Variants in CLCN1 observed in about 807,000 individuals in gnomAD.
CLCN1 encodes chloride voltage-gated channel 1.
In CLCN1, 100 loss-of-function variants were observed where a neutral mutation model predicts 114.5. That is an observed-to-expected ratio of 0.87 (90% confidence interval 0.74 to 1.03). The LOEUF (loss-of-function observed/expected upper bound fraction) is 1.03, where lower values mean the gene tolerates loss of function less well. Ranked by LOEUF, CLCN1 falls within the 50% of genes least tolerant of loss-of-function variation. CLCN1 has a pLI of 0.00. For synonymous variants in CLCN1, 485 were observed against 487.1 expected (o/e 1.00, Z 0.06); for missense variants, 1,188 against 1,250.0 (o/e 0.95, Z 0.75).
At chr7:143,332,344 C>A in intron 10 of CLCN1, 75 bp from the exon 11 acceptor site, 2 of 1,093,780 alleles carry the variant, frequency 1.8e-6, no homozygotes, top group Non-Finnish European at 1.4e-6. Flanking sequence ...AAGGAAACTT[C>A]AGCTTGCCAT....
chr7:143,342,421 GT>G lies in CLCN1; in HGVS notation c.1849del (p.Ser617GlnfsTer30), dbSNP rs1803105951. On this transcript the variant is annotated frameshift_variant, in exon 16 of 23. Transcript: ENST00000343257. LOFTEE classifies it high-confidence loss of function. The stretch of plus-strand genomic sequence containing the variant: ...CATCATGGTACGTGATGTGAAGTTT[GT>G]TTCAGCTTCTTACACATATGGGGAG... ...EDIMVRDVKF[V>X]SASYTYGELR... The G allele has an allele frequency of 6.2e-7, 1 of 1,614,010 alleles. No homozygotes were observed. The highest frequency in any genetic ancestry group is 8.5e-7 in the Non-Finnish European group (1 of 1,180,028).
rs1407115613 is a variant in CLCN1 at position 143,345,587 on chromosome 7, G to C, written c.1997G>C (p.Cys666Ser). The C allele has an allele frequency of 6.4e-7, 1 of 1,551,554 alleles. No homozygotes were observed. Among genetic ancestry groups the C allele is most frequent in the South Asian group, 1.2e-5 (1 of 84,084 alleles). Residue 666 changes from cysteine (C) to serine (S), a missense_variant, in exon 17 of 23, where the codon TGT becomes TCT. Physicochemically the swap from Cys to Ser is moderately radical, Grantham distance 112 (BLOSUM62 -1). Transcript: ENST00000343257. The part of the protein sequence containing the change: ...ELQALLQRHL[C>S]PERRLRAAQE... ...CAGGCCCTCCTGCAGCGCCACCTGT[G>C]TCCTGAGCGCAGGCTGCGCGCAGCC...
intron 5 of CLCN1, among the ~76,000 whole-genome samples, chr7:143,322,815 C>A (rs1802477176): frequency 6.6e-6 from 1 of 152,254 alleles, no homozygotes; most frequent in African/African-American, 2.4e-5. Context: ...GCCACCGCGC[C>A]CGGCCTTATC....
chr7:143,339,438 A>C lies in CLCN1; in HGVS notation c.1472-73A>C. ...ATATTTGTTCTTAATGCCCAAGGAG[A>C]GATTGGTTCTGAAAACTGAGAGCAA... is the stretch of plus-strand genomic sequence containing the variant. On this transcript the variant is annotated intron_variant, in intron 13 of 22. Coordinates refer to ENST00000343257, the MANE Select transcript of CLCN1 (RefSeq NM_000083.3). The surrounding 1 kb of genome is among the most constrained non-coding windows in gnomAD (Gnocchi z 4.1). The C allele has an allele frequency of 1.4e-6, 2 of 1,385,106 alleles. No homozygotes were observed. The highest frequency in any genetic ancestry group is 3.4e-5 in the Admixed American group (2 of 59,654). The allele number at this position is 1,385,106 out of a possible 1,614,324, so 85.8% of individuals were successfully genotyped here. A position where few individuals can be genotyped will look rare whatever the true frequency, so the allele number is the denominator to read the frequency against.
chr7:143,333,845 A>G (rs1802798292), intron 12 of CLCN1, among the ~76,000 whole-genome samples: 1 of 152,196 alleles, frequency 6.6e-6, no homozygotes, highest in African/African-American at 2.4e-5. Context: ...AGGATTATGT[A>G]TTTATAGACT....
rs190130268 is a variant in CLCN1, at chr7:143,318,617, G to A, written c.181-1138G>A. 1.8e-3 allele frequency among the ~76,000 whole-genome samples: 280 copies of A among 152,278 alleles called. 1 individual carries two copies. The highest frequency in any genetic ancestry group is 6.5e-3 in the African/African-American group (272 of 41,546). ...CCTTGCCCTCCCCTCACCCTGCCCT[G>A]CATGGGACCAGCCAGAACAGATCTG... On this transcript the variant is annotated intron_variant, in intron 1 of 22. Transcript: ENST00000343257.
At chr7:143,318,173 C>T (rs2033855969) in intron 1 of CLCN1, among the ~76,000 whole-genome samples, 1 of 152,086 alleles carries the variant, frequency 6.6e-6, no homozygotes, top group Non-Finnish European at 1.5e-5. Flanking sequence ...TTCCCTTCCC[C>T]ACCCTCACCA....
At position 143,332,783 on chromosome 7, in the gene CLCN1, G is replaced by A. The variant is rs766616816; in HGVS notation, c.1311G>A (p.Ala437=). 1.7e-5 allele frequency: 27 copies of A among 1,613,952 alleles called. No homozygotes were observed. The highest frequency in any genetic ancestry group is 1.3e-4 in the Admixed American group (8 of 59,990). Reference sequence around the variant, plus strand: ...ACAACAATACATGGGTGAAACACGCGGGTGATCCTGAGAGCCTGGGCCAGT... The same window carrying A: ...ACAACAATACATGGGTGAAACACGCAGGTGATCCTGAGAGCCTGGGCCAGT... The part of the protein sequence containing the change: ...LFDNNTWVKH[A]GDPESLGQSA... The change falls in exon 12 of 23, where the codon GCG becomes GCA. Residue 437 remains alanine, a synonymous_variant. Coordinates refer to ENST00000343257, the MANE Select transcript of CLCN1 (RefSeq NM_000083.3).
chr7:143,321,773 C>T lies in CLCN1; in HGVS notation c.621C>T (p.Leu207=). Residue 207 remains leucine, a synonymous_variant, in exon 5 of 23, where the codon CTC becomes CTT. Transcript: ENST00000343257. The surrounding 1 kb of genome is among the most constrained non-coding windows in gnomAD (Gnocchi z 4.2). ...GTGGGGTTGTCCTGAAGGAATACCT[C>T]ACAATGAAAGCCTTTGTGGCCAAGG... The part of the protein sequence containing the change: ...ILRGVVLKEY[L]TMKAFVAKVV... The T allele has an allele frequency of 6.2e-7, 1 of 1,614,224 alleles. No homozygotes were observed. The highest frequency in any genetic ancestry group is 8.5e-7 in the Non-Finnish European group (1 of 1,180,018).
rs185716241 is a variant in CLCN1 at position 143,327,798 on chromosome 7, C to T, written c.854-2974C>T. On this transcript the variant is annotated intron_variant, in intron 7 of 22. Transcript: ENST00000343257. ...GCCTCCCAGCAGCTGGGACTACATG[C>T]GCACGCCACTATGCCTGGCTAATTT... Among the ~76,000 whole-genome samples, 12 of 152,174 alleles carry T rather than the reference C, an allele frequency of 7.9e-5. No homozygotes were observed. In the East Asian group the frequency reaches 1.2e-3, roughly 15 times the overall value.
intron 12 of CLCN1, among the ~76,000 whole-genome samples, chr7:143,337,997 ATTTTTTATTTTTTAT>A (rs1802958000): frequency 6.7e-6 from 1 of 150,038 alleles, no homozygotes; most frequent in African/African-American, 2.4e-5. Flanking sequence ...TGGCTAATTT[ATTTTTTATTTTTTAT>A]TTTTTTATTT....
At position 143,335,656 on chromosome 7, in the gene CLCN1, G is replaced by GTTTTTTTTTTTTTTTT. The variant is rs199928109; in HGVS notation, c.1401+2787_1401+2788insTTTTTTTTTTTTTTTT. Among the ~76,000 whole-genome samples the GTTTTTTTTTTTTTTTT allele has an allele frequency of 2.8e-5, 3 of 107,236 alleles. 1 individual carries two copies. Among genetic ancestry groups the GTTTTTTTTTTTTTTTT allele is most frequent in the Non-Finnish European group, 1.9e-5 (1 of 53,260 alleles). 70.4% of individuals were successfully genotyped at this position (107,236 alleles called of 152,430 possible). On this transcript the variant is annotated intron_variant, in intron 12 of 22. Transcript: ENST00000343257. ...GGCAGGTAAGATTCTCAATTCAGCTGTTTTGTTTTTTTTTTTTTTTTGATT... is the reference window on the plus strand; with the variant it reads ...GGCAGGTAAGATTCTCAATTCAGCTGTTTTTTTTTTTTTTTTTTTTGTTTTTTTTTTTTTTTTGATT...
intron 10 of CLCN1, 142 bp from the exon 11 acceptor site, chr7:143,332,276 TG>T (rs113731371): frequency 1.0e-5 from 8 of 784,994 alleles, no homozygotes; most frequent in Non-Finnish European, 1.6e-5. Flanking sequence ...CCTCAAATAT[TG>T]GTTTTTTGTG....
In CLCN1 at chr7:143,330,817, G is replaced by A. The variant is rs118066140; in HGVS notation, c.899G>A (p.Arg300Gln). The stretch of plus-strand genomic sequence containing the variant: ...GTCACCTCCACCTACTTTGCTGTTC[G>A]GAACTACTGGAGAGGATTCTTTGCA... ...IEVTSTYFAVRNYWRGFFAAT... is the reference protein window; with the variant it reads ...IEVTSTYFAVQNYWRGFFAAT... The change falls in exon 8 of 23, where the codon CGG becomes CAG. Residue 300 changes from arginine to glutamine, a missense_variant. By Grantham distance (43) the Arg-to-Gln change is conservative (BLOSUM62 1). Coordinates refer to ENST00000343257, the MANE Select transcript of CLCN1 (RefSeq NM_000083.3). The A allele has an allele frequency of 7.1e-3, 11,426 of 1,614,162 alleles. 46 individuals are homozygous for A. The highest frequency in any genetic ancestry group is 8.7e-3 in the Non-Finnish European group (10,224 of 1,180,040).
chr7:143,330,259 A>G (rs559046789), intron 7 of CLCN1, among the ~76,000 whole-genome samples: 17 of 152,192 alleles, frequency 1.1e-4, no homozygotes, highest in South Asian at 2.1e-4. Context: ...TGTCTTCCTT[A>G]TAAGGTTGCC....
At chr7:143,337,519 T>C (rs1802938109) in intron 12 of CLCN1, among the ~76,000 whole-genome samples, 1 of 152,144 alleles carries the variant, frequency 6.6e-6, no homozygotes, top group African/African-American at 2.4e-5. Context: ...AGTTCTTTCT[T>C]TCTACGGTTC....
chr7:143,318,286 G>A (rs974811210), intron 1 of CLCN1, among the ~76,000 whole-genome samples: 12 of 151,994 alleles, frequency 7.9e-5, no homozygotes, highest in African/African-American at 2.4e-4. Flanking sequence ...GCAATGGCGC[G>A]ATCTCAGCTC....
rs1802423930 is a variant in CLCN1, at chr7:143,321,289, C to T, written c.434-76C>T. 2 of 1,564,322 alleles carry T rather than the reference C, an allele frequency of 1.3e-6. No individual in the cohort carries two copies. The highest frequency in any genetic ancestry group is 1.4e-5 in the African/African-American group (1 of 73,910). On this transcript the variant is annotated intron_variant, in intron 3 of 22. Transcript: ENST00000343257. This position sits in a 1 kb window ranked among gnomAD's most constrained non-coding sequence, Gnocchi z 4.2. ...AGAAGGAGCACGGCCTGAGAACATG[C>T]CGGGTACACGTCCTGGTGCCGTGGA...
In CLCN1 at chr7:143,324,401, T is replaced by C; in HGVS notation, c.775-13T>C. 6.2e-7 allele frequency: 1 copy of C among 1,606,778 alleles called. No homozygotes were observed. ...TCTTCCACCTGTTTCTCTGTCTGTC[T>C]CTCCCCTAGTAGCAGCCATACTACT... On this transcript the variant is annotated splice_polypyrimidine_tract_variant and intron_variant, in intron 6 of 22. Transcript: ENST00000343257. The surrounding 1 kb of genome is among the most constrained non-coding windows in gnomAD (Gnocchi z 4.6).
Sources: allele counts gnomAD v4.1 joint callset (sites outside exome capture counted in the v4.1 genomes callset), GRCh38; gene constraint gnomAD v4.1.1; non-coding constraint Gnocchi (gnomAD v3.1); transcripts MANE v1.5; gene names NCBI Gene and HGNC (gene_info 2026-07-23, HGNC 2026-07-21).